LIMCH1: variants seen among roughly 807,000 people sequenced by gnomAD.
The protein encoded by LIMCH1 is LIM and calponin homology domains 1, also known as LIM and calponin homology domains-containing protein 1.
A neutral mutation model predicts 176.5 loss-of-function variants in LIMCH1; 113 were observed. The ratio of observed to expected loss-of-function variants is 0.64; its 90% confidence interval spans 0.55 to 0.75. The LOEUF (loss-of-function observed/expected upper bound fraction) is 0.75. Ranked by LOEUF, LIMCH1 falls within the 30% of genes least tolerant of loss-of-function variation. The pLI, the probability that LIMCH1 is intolerant of heterozygous loss-of-function variation, is 0.00. For missense variants in LIMCH1, 1,674 were observed against 1,814.9 expected, an observed-to-expected ratio of 0.92 and a Z score of 1.41; for synonymous variants, 619 against 645.9, an observed-to-expected ratio of 0.96 and a Z score of 0.63.
At chr4:41,622,227 C>G (rs2092635266) in intron 7 of LIMCH1, among the ~76,000 whole-genome samples, 1 of 151,922 alleles carries the variant, frequency 6.6e-6, no homozygotes, top group African/African-American at 2.4e-5. Context: ...CTTGAGCATC[C>G]CATACACCAT....
chr4:41,500,001 A>G (rs1176023913), intron 2 of LIMCH1, among the ~76,000 whole-genome samples: 1 of 152,198 alleles, frequency 6.6e-6, no homozygotes, highest in Non-Finnish European at 1.5e-5. Flanking sequence ...GGATTTTTCT[A>G]ATTTCTTCCT....
chr4:41,639,405 T>C (rs546667544), intron 14 of LIMCH1, among the ~76,000 whole-genome samples: 25 of 152,264 alleles, frequency 1.6e-4, no homozygotes, highest in Non-Finnish European at 2.8e-4. Flanking sequence ...AACCACTAAT[T>C]ATAGATTCAG....
At chr4:41,418,707 T>C (rs1337203625) in intron 1 of LIMCH1, 1 of 152,174 alleles carries the variant, frequency 6.6e-6, no homozygotes, top group Non-Finnish European at 1.5e-5. Context: ...CCAGGGCTAG[T>C]GTGTGGTTAG....
chr4:41,472,009 T>C (rs953230481), intron 1 of LIMCH1, among the ~76,000 whole-genome samples: 1 of 152,230 alleles, frequency 6.6e-6, no homozygotes, highest in Non-Finnish European at 1.5e-5. Context: ...GGGTGCCTTA[T>C]ATGGTGTGCA....
At chr4:41,611,528 A>T (rs544231333) in intron 4 of LIMCH1, among the ~76,000 whole-genome samples, 1 of 152,364 alleles carries the variant, frequency 6.6e-6, no homozygotes, top group South Asian at 2.1e-4. Context: ...AGATGATCAA[A>T]TATTTTCAGC....
intron 1 of LIMCH1, among the ~76,000 whole-genome samples, chr4:41,363,335 G>A (rs555729154): frequency 3.1e-4 from 47 of 152,260 alleles, no homozygotes; most frequent in Non-Finnish European, 5.1e-4. Flanking sequence ...TCCTCTAGGG[G>A]CCCCATTGTC....
chr4:41,639,056 T>G, intron 14 of LIMCH1, 89 bp downstream of exon 14: 1 of 982,356 alleles, frequency 1.0e-6, no homozygotes, highest in Non-Finnish European at 1.5e-6. Context: ...ATGCAACTGA[T>G]GCAAGTGAAC....
chr4:41,546,065 T>C (rs940051579), intron 1 of LIMCH1, among the ~76,000 whole-genome samples: 2 of 152,154 alleles, frequency 1.3e-5, no homozygotes, highest in Non-Finnish European at 2.9e-5. Context: ...GATATATTGT[T>C]ATAGGAATAA....
At chr4:41,665,688 C>T (rs1336959166) in intron 20 of LIMCH1, among the ~76,000 whole-genome samples, 1 of 152,134 alleles carries the variant, frequency 6.6e-6, no homozygotes, top group Admixed American at 6.5e-5. Context: ...TAAATTTATA[C>T]AGCCACGCTC....
At chr4:41,677,820 C>G (rs1041007710) in intron 23 of LIMCH1, among the ~76,000 whole-genome samples, 1 of 151,954 alleles carries the variant, frequency 6.6e-6, no homozygotes, top group African/African-American at 2.4e-5. Flanking sequence ...TACATTCCCA[C>G]TAGTACTGAT....
Position 41,631,134 on chromosome 4 carries a change from C to T in LIMCH1, c.1272-14C>T, listed in dbSNP as rs909727555. 23 of 1,467,956 alleles carry T rather than the reference C, an allele frequency of 1.6e-5. No homozygotes were observed. Among genetic ancestry groups the T allele is most frequent in the Non-Finnish European group, 2.1e-5 (23 of 1,114,886 alleles). The allele number at this position is 1,467,956 out of a possible 1,614,324, so 90.9% of individuals were successfully genotyped here. ...ACTCAGACACTTTTAGAACTTATTTCTGGTTTTGACTAGGGATGGAGATGT... is the reference window on the plus strand; with the variant it reads ...ACTCAGACACTTTTAGAACTTATTTTTGGTTTTGACTAGGGATGGAGATGT... On this transcript the variant is annotated splice_polypyrimidine_tract_variant and intron_variant, in intron 9 of 31. Coordinates refer to ENST00000503057, the MANE Select transcript of LIMCH1 (RefSeq NM_001330672.2).
intron 4 of LIMCH1, among the ~76,000 whole-genome samples, chr4:41,608,908 A>G (rs1339527064): frequency 6.6e-6 from 1 of 152,174 alleles, no homozygotes. Context: ...ATAGGCAAAC[A>G]TTCCCTTATA....
intron 1 of LIMCH1, among the ~76,000 whole-genome samples, chr4:41,379,233 G>C (rs2055262969): frequency 6.6e-6 from 1 of 152,170 alleles, no homozygotes; most frequent in South Asian, 2.1e-4. Flanking sequence ...TGGAAGATCT[G>C]CTTCTAAGAT....
At chr4:41,383,558 A>G (rs2154105052) in intron 1 of LIMCH1, among the ~76,000 whole-genome samples, 1 of 152,314 alleles carries the variant, frequency 6.6e-6, no homozygotes, top group Middle Eastern at 3.4e-3. Context: ...CTTGTAAACT[A>G]TGATCAGAGC....
intron 4 of LIMCH1, among the ~76,000 whole-genome samples, chr4:41,611,705 A>G (rs182708346): frequency 6.6e-4 from 100 of 152,362 alleles, no homozygotes; most frequent in South Asian, 8.3e-4. Flanking sequence ...TGAGGATTAA[A>G]TAACATAACA....
At chr4:41,551,718 G>A (rs1335545173) in intron 1 of LIMCH1, among the ~76,000 whole-genome samples, 1 of 152,146 alleles carries the variant, frequency 6.6e-6, no homozygotes, top group African/African-American at 2.4e-5. Flanking sequence ...TCTAATTTCA[G>A]TGTCTATAAA....
intron 1 of LIMCH1, among the ~76,000 whole-genome samples, chr4:41,448,974 G>C (rs1354326751): frequency 6.6e-6 from 1 of 151,914 alleles, no homozygotes; most frequent in Non-Finnish European, 1.5e-5. Context: ...CCACTGTACT[G>C]ATACAGTATT....
chr4:41,620,710 C>G lies in LIMCH1; in HGVS notation c.725+20C>G. The G allele has an allele frequency of 6.6e-7, 1 of 1,513,110 alleles. No homozygotes were observed. The highest frequency in any genetic ancestry group is 8.8e-7 in the Non-Finnish European group (1 of 1,134,348). The allele number at this position is 1,513,110 out of a possible 1,614,324, so 93.7% of individuals were successfully genotyped here. A position where few individuals can be genotyped will look rare whatever the true frequency, so the allele number is the denominator to read the frequency against. ...TGCCAGGTCAGCTCTGGGCTGAGGG[C>G]TGGCCCGGCTGGCTTTCTGCATGCC... On this transcript the variant is annotated intron_variant, in intron 7 of 31. Transcript: ENST00000503057.
rs562790046 is a variant in LIMCH1, at chr4:41,631,548, G to A, written c.1601+71G>A. On this transcript the variant is annotated intron_variant, in intron 10 of 31. Transcript: ENST00000503057. ...TGCTGCTTTTGTAGAGTTTGCTGAA[G>A]CACATTATACAAGCCCCTAGAGATG... is the stretch of plus-strand genomic sequence containing the variant. The A allele has an allele frequency of 2.9e-4, 365 of 1,269,236 alleles. 1 individual carries two copies. Among genetic ancestry groups the A allele is most frequent in the Middle Eastern group, 2.3e-3 (12 of 5,186 alleles). The allele number at this position is 1,269,236 out of a possible 1,614,324, so 78.6% of individuals were successfully genotyped here.
Sources: gnomAD v4.1 joint callset for allele counts (sites outside exome capture counted in the v4.1 genomes callset) on GRCh38, gnomAD v4.1.1 for gene constraint, MANE v1.5 for transcripts, NCBI Gene and HGNC (gene_info 2026-07-23, HGNC 2026-07-21) for gene names.